Variants in FNIP2 observed in about 807,000 individuals in gnomAD.
The protein encoded by FNIP2 is folliculin interacting protein 2, also known as folliculin-interacting protein 2.
Under a neutral mutation model 108.7 loss-of-function variants are expected in FNIP2, and 32 were observed. The ratio of observed to expected loss-of-function variants is 0.29; its 90% CI spans 0.22 to 0.40. FNIP2 has a LOEUF of 0.40. Ranked by LOEUF, FNIP2 falls within the 10% of genes least tolerant of loss-of-function variation. FNIP2 has a pLI of 1.00. For missense variants in FNIP2, 1,202 were observed against 1,381.6 expected, an observed-to-expected ratio of 0.87 and a Z score of 2.06; for synonymous variants, 480 against 496.7, an observed-to-expected ratio of 0.97 and a Z score of 0.45.
At chr4:158,787,552 G>A (rs528002961) in intron 1 of FNIP2, among the ~76,000 whole-genome samples, 1 of 152,298 alleles carries the variant, frequency 6.6e-6, no homozygotes, top group Admixed American at 6.5e-5. Context: ...GATGGGGGAC[G>A]CAGACCTTTT....
At chr4:158,773,249 C>T (rs780622578) in intron 1 of FNIP2, among the ~76,000 whole-genome samples, 2 of 152,164 alleles carry the variant, frequency 1.3e-5, no homozygotes, top group Non-Finnish European at 2.9e-5. Context: ...TGCCTTGGAT[C>T]TATTGGCACA....
intron 1 of FNIP2, among the ~76,000 whole-genome samples, chr4:158,784,041 G>A (rs1009982739): frequency 6.6e-6 from 1 of 152,142 alleles, no homozygotes; most frequent in African/African-American, 2.4e-5. Flanking sequence ...TTTTGAGCCC[G>A]AATAATGTGG....
At position 158,869,142 on chromosome 4, in the gene FNIP2, G is replaced by A. The variant is rs1305190227; in HGVS notation, c.2506G>A (p.Ala836Thr). The A allele has an allele frequency of 6.2e-7, 1 of 1,613,932 alleles. No individual in the cohort carries two copies. The highest frequency in any genetic ancestry group is 1.3e-5 in the African/African-American group (1 of 74,940). Reference protein sequence around the residue: ...AGGTGGRRLEATRGLYVKAAE... With the variant: ...AGGTGGRRLETTRGLYVKAAE... ...AGGAACGGGAGGGAGGAGGCTGGAG[G>A]CCACTAGAGGTTTGTATGTGAAGGC... The change falls in exon 13 of 17, where the codon GCC becomes ACC. Residue 836 changes from alanine (A) to threonine (T), a missense_variant. Coordinates refer to ENST00000264433, the MANE Select transcript of FNIP2 (RefSeq NM_020840.3).
In FNIP2 at chr4:158,891,465, C is replaced by G; in HGVS notation, c.2969C>G (p.Pro990Arg). Residue 990 changes from proline to arginine, a missense_variant, in exon 15 of 17, where the codon CCA (proline) becomes CGA (arginine). By Grantham distance (103) the Pro-to-Arg change is moderately radical. This residue lies in a region of FNIP2 where 142 missense variants were observed against 183.8 expected (regional missense o/e 0.77). Coordinates refer to ENST00000264433, the MANE Select transcript of FNIP2 (RefSeq NM_020840.3). Reference sequence around the variant, plus strand: ...TTTCAGCATCCAGTCCTGGATGAGCCAATAGCTGAAGCTGTCTGTATTATC... The same window carrying G: ...TTTCAGCATCCAGTCCTGGATGAGCGAATAGCTGAAGCTGTCTGTATTATC... ...HTVHHPVLDEPIAEAVCIIAD... is the reference protein window; with the variant it reads ...HTVHHPVLDERIAEAVCIIAD... 2 of 1,602,434 alleles carry G rather than the reference C, an allele frequency of 1.2e-6. No individual in the cohort carries two copies. Among genetic ancestry groups the G allele is most frequent in the Non-Finnish European group, 1.7e-6 (2 of 1,174,048 alleles).
chr4:158,832,897 CA>C (rs750158628), intron 5 of FNIP2, among the ~76,000 whole-genome samples: 22 of 152,314 alleles, frequency 1.4e-4, no homozygotes, highest in Admixed American at 5.9e-4. Context: ...GTATTATTCT[CA>C]AAGTCTTTCT....
intron 15 of FNIP2, among the ~76,000 whole-genome samples, chr4:158,895,102 A>AG (rs1462947352): frequency 6.6e-6 from 1 of 152,214 alleles, no homozygotes; most frequent in African/African-American, 2.4e-5. Context: ...TCTCTAAAAA[A>AG]ATGAAGCTGA....
chr4:158,771,094 C>T (rs1775684301), intron 1 of FNIP2, among the ~76,000 whole-genome samples: 1 of 152,204 alleles, frequency 6.6e-6, no homozygotes, highest in Non-Finnish European at 1.5e-5. Flanking sequence ...TAATGAAGAA[C>T]AGAAAATCGT....
chr4:158,902,374 G>GCACC (rs1729390239), intron 16 of FNIP2, among the ~76,000 whole-genome samples: 1 of 152,152 alleles, frequency 6.6e-6, no homozygotes, highest in Non-Finnish European at 1.5e-5. Context: ...TCCCAGAGGG[G>GCACC]CACCCACCAG....
intron 3 of FNIP2, among the ~76,000 whole-genome samples, chr4:158,830,199 A>G (rs1440363091): frequency 6.6e-6 from 1 of 150,972 alleles, no homozygotes; most frequent in Admixed American, 6.6e-5. Flanking sequence ...GGTTTGAGCT[A>G]TAACGAGAGA....
chr4:158,770,312 A>G (rs1358417419), intron 1 of FNIP2, among the ~76,000 whole-genome samples: 1 of 152,200 alleles, frequency 6.6e-6, no homozygotes, highest in Non-Finnish European at 1.5e-5. Context: ...CAATTTTTCA[A>G]CACATTTTAA....
At chr4:158,788,175 G>GT (rs1379379650) in intron 1 of FNIP2, among the ~76,000 whole-genome samples, 1 of 152,216 alleles carries the variant, frequency 6.6e-6, no homozygotes, top group African/African-American at 2.4e-5. Flanking sequence ...TAAGTGGGTG[G>GT]TTCTTGCAGT....
At chr4:158,857,650 AAAAAT>A (rs1267519202) in intron 8 of FNIP2, among the ~76,000 whole-genome samples, 1 of 152,094 alleles carries the variant, frequency 6.6e-6, no homozygotes, top group African/African-American at 2.4e-5. Context: ...CCTTTCCTTT[AAAAAT>A]AAAATAGCCA....
intron 14 of FNIP2, among the ~76,000 whole-genome samples, chr4:158,887,685 C>T (rs972355326): frequency 8.1e-6 from 1 of 122,912 alleles, no homozygotes; most frequent in Non-Finnish European, 1.6e-5. Context: ...TGTAGAGAGC[C>T]GAGAATGCAC....
intron 7 of FNIP2, among the ~76,000 whole-genome samples, chr4:158,847,773 C>T (rs529496344): frequency 1.4e-4 from 21 of 152,298 alleles, no homozygotes; most frequent in African/African-American, 4.6e-4. Context: ...CCCCACTGCC[C>T]TAAGGGTGAG....
At chr4:158,851,986 A>G (rs1293553115) in intron 8 of FNIP2, among the ~76,000 whole-genome samples, 2 of 152,224 alleles carry the variant, frequency 1.3e-5, no homozygotes, top group Non-Finnish European at 2.9e-5. Context: ...TGTTACATTC[A>G]TAGCTTCCAA....
chr4:158,899,201 C>G (rs868198943), intron 16 of FNIP2, among the ~76,000 whole-genome samples: 1 of 152,198 alleles, frequency 6.6e-6, no homozygotes, highest in African/African-American at 2.4e-5. Context: ...ATGAAGCCAG[C>G]TGGATCGTGG....
At chr4:158,822,061 C>T (rs1453654372) in intron 1 of FNIP2, among the ~76,000 whole-genome samples, 1 of 152,004 alleles carries the variant, frequency 6.6e-6, no homozygotes, top group Non-Finnish European at 1.5e-5. Context: ...GCACTCCAGC[C>T]TGGGCAACAG....
intron 14 of FNIP2, among the ~76,000 whole-genome samples, chr4:158,875,532 ATATATATATG>A (rs917609451): frequency 9.1e-5 from 9 of 99,036 alleles, no homozygotes; most frequent in Admixed American, 2.9e-4. Flanking sequence ...ATATATATAT[ATATATATATG>A]CTCATGAATA....
chr4:158,870,438 G>T lies in FNIP2; in HGVS notation c.2918G>T (p.Cys973Phe), dbSNP rs774676910. The change falls in exon 14 of 17, where the codon TGC (cysteine) becomes TTC (phenylalanine). Residue 973 changes from cysteine to phenylalanine, a missense_variant. Physicochemically the swap from Cys to Phe is radical, Grantham distance 205. This residue lies in a region of FNIP2 where 142 missense variants were observed against 183.8 expected (regional missense o/e 0.77). Transcript: ENST00000264433. ...GGCAGTGATGAGAAGCTGAAGCAGTGCCTGGTGGCCGACCTTGTCCACACA... is the reference window on the plus strand; with the variant it reads ...GGCAGTGATGAGAAGCTGAAGCAGTTCCTGGTGGCCGACCTTGTCCACACA... Reference protein sequence around the residue: ...GTGSDEKLKQCLVADLVHTVH... With the variant: ...GTGSDEKLKQFLVADLVHTVH... 1 of 1,613,640 alleles carries T rather than the reference G, an allele frequency of 6.2e-7. No individual in the cohort carries two copies. Among genetic ancestry groups the T allele is most frequent in the Non-Finnish European group, 8.5e-7 (1 of 1,179,702 alleles).
Sources: allele counts gnomAD v4.1 joint callset (sites outside exome capture counted in the v4.1 genomes callset), GRCh38; gene constraint gnomAD v4.1.1; regional missense constraint gnomAD v4.1.1; transcripts MANE v1.5; gene names NCBI Gene and HGNC (gene_info 2026-07-23, HGNC 2026-07-21).